SMTN: variants seen among roughly 807,000 people sequenced by gnomAD.
The protein encoded by SMTN is smoothelin.
A neutral mutation model predicts 102.0 loss-of-function variants in SMTN; 58 were observed. The ratio of observed to expected loss-of-function variants is 0.57; its 90% CI spans 0.46 to 0.71. The LOEUF (loss-of-function observed/expected upper bound fraction) is 0.71, where lower values mean the gene tolerates loss of function less well. Among genes scored for constraint, SMTN ranks in the 30% least tolerant of loss-of-function variants. SMTN has a pLI of 0.00. For missense variants in SMTN, 1,185 were observed against 1,241.7 expected, an observed-to-expected ratio of 0.95 and a Z score of 0.69; for synonymous variants, 478 against 497.9, an observed-to-expected ratio of 0.96 and a Z score of 0.53.
intron 19 of SMTN, 129 bp from the exon 20 acceptor site, chr22:31,100,756 G>C (rs891834914): frequency 3.3e-6 from 2 of 614,724 alleles, no homozygotes; most frequent in African/African-American, 3.7e-5. Context: ...CTCTGTGTGT[G>C]TGTGTGTATG....
intron 2 of SMTN, chr22:31,085,082 A>ATGGGGACGCC (rs1309312116): frequency 2.0e-6 from 3 of 1,534,138 alleles, no homozygotes; most frequent in Non-Finnish European, 2.6e-6. Flanking sequence ...GATGGGAGGA[A>ATGGGGACGCC]TGGGGACGCC....
upstream of SMTN, among the ~76,000 whole-genome samples, chr22:31,079,918 T>A (rs2042228387): frequency 6.6e-6 from 1 of 152,158 alleles, no homozygotes; most frequent in South Asian, 2.1e-4. Context: ...GCATGCCACT[T>A]GCCCGACTAA....
chr22:31,085,940 C>T (rs998356761), intron 2 of SMTN, among the ~76,000 whole-genome samples: 1 of 152,220 alleles, frequency 6.6e-6, no homozygotes, highest in East Asian at 1.9e-4. Flanking sequence ...GACAAGGACC[C>T]CATCTCCGAG....
intron 20 of SMTN, chr22:31,103,021 A>T (rs894299158): frequency 3.9e-5 from 6 of 152,316 alleles, no homozygotes; most frequent in Non-Finnish European, 8.8e-5. Context: ...AAAGAGGGGG[A>T]AACAGTCATA....
intron 1 of SMTN, among the ~76,000 whole-genome samples, chr22:31,070,547 C>T (rs968543305): frequency 1.3e-5 from 2 of 152,222 alleles, no homozygotes; most frequent in African/African-American, 4.8e-5. Flanking sequence ...AATTTCTTAT[C>T]TTCCAGACTT....
intron 2 of SMTN, chr22:31,085,083 TG>T: frequency 1.3e-6 from 2 of 1,534,134 alleles, no homozygotes; most frequent in Non-Finnish European, 1.7e-6. Flanking sequence ...ATGGGAGGAA[TG>T]GGGACGCCTG....
At chr22:31,072,565 C>A (rs1379989808) in intron 1 of SMTN, among the ~76,000 whole-genome samples, 2 of 152,046 alleles carry the variant, frequency 1.3e-5, no homozygotes, top group Non-Finnish European at 2.9e-5. Flanking sequence ...GGGTTCAAAC[C>A]ATTTTCCTGC....
Position 31,095,277 on chromosome 22 carries a change from G to T in SMTN, c.1633-26G>T. On this transcript the variant is annotated intron_variant, in intron 11 of 20. Transcript: ENST00000333137. The surrounding 1 kb of genome is among the most constrained non-coding windows in gnomAD (Gnocchi z 4.1). ...AGTTTCACCCATACCCCTGCTTAAA[G>T]TCCATGCCCTCTCCCCACCCTGCAG... 6.2e-7 allele frequency: 1 copy of T among 1,611,764 alleles called. No individual in the cohort carries two copies. Among genetic ancestry groups the T allele is most frequent in the South Asian group, 1.1e-5 (1 of 90,978 alleles).
chr22:31,100,845 C>T lies in SMTN; in HGVS notation c.2604-40C>T, dbSNP rs773636978. On this transcript the variant is annotated intron_variant, in intron 19 of 20. Coordinates refer to ENST00000333137, the MANE Select transcript of SMTN (RefSeq NM_134269.3). The stretch of plus-strand genomic sequence containing the variant: ...CCCACCCGGGGCCCTGGCCTCCTGC[C>T]CCCGTCCCCCACCCCTTCCCGGCCC... 13 of 828,574 alleles carry T rather than the reference C, an allele frequency of 1.6e-5. 1 individual carries two copies. The African/African-American group carries it at 1.7e-4, about 11-fold the overall frequency. The allele number at this position is 828,574 out of a possible 1,614,324, so 51.3% of individuals were successfully genotyped here.
intron 1 of SMTN, chr22:31,068,402 G>A (rs527311358): frequency 1.2e-4 from 18 of 152,118 alleles, no homozygotes; most frequent in African/African-American, 3.6e-4. Flanking sequence ...ATGTTACCCC[G>A]GGGATTCCTC....
rs10304 is a variant in SMTN at position 31,104,550 on chromosome 22, G to A, written c.*255G>A. 0.13 allele frequency: 187,142 copies of A among 1,417,390 alleles called. 16,909 individuals are homozygous for A. The highest frequency in any genetic ancestry group is 0.43 in the East Asian group (18,767 of 43,526). The allele number at this position is 1,417,390 out of a possible 1,614,324, so 87.8% of individuals were successfully genotyped here. A position where few individuals can be genotyped will look rare whatever the true frequency, so the allele number is the denominator to read the frequency against. ...TCTCCTGCCTGTGCGTCCGCCCACC[G>A]CTGCCCTGTCTGTTGCGACACCCTC... On this transcript the variant is annotated 3_prime_UTR_variant, in exon 21 of 21. Coordinates refer to ENST00000333137, the MANE Select transcript of SMTN (RefSeq NM_134269.3).
At chr22:31,083,117 A>T in intron 1 of SMTN, 62 bp from the exon 2 acceptor site, 1 of 1,547,108 alleles carries the variant, frequency 6.5e-7, no homozygotes, top group Non-Finnish European at 8.7e-7. Flanking sequence ...TAAGGCACAG[A>T]GCCTAAGTGC....
intron 8 of SMTN, 33 bp downstream of exon 8, chr22:31,090,213 C>T (rs781104122): frequency 5.9e-6 from 9 of 1,534,274 alleles, no homozygotes; most frequent in African/African-American, 2.8e-5. Flanking sequence ...TCACAGGCAT[C>T]TTTCTTCCCC....
intron 3 of SMTN, 83 bp downstream of exon 3, chr22:31,088,196 A>G: frequency 7.0e-7 from 1 of 1,436,610 alleles, no homozygotes; most frequent in South Asian, 1.4e-5. Context: ...AGGCGTGAGC[A>G]CAAGTGTATC....
intron 3 of SMTN, 157 bp downstream of exon 3, chr22:31,088,270 TG>T: frequency 1.0e-6 from 1 of 965,218 alleles, no homozygotes. Context: ...GAGATGTTTG[TG>T]GGCATGGAGC....
Position 31,099,798 on chromosome 22 carries a change from T to C in SMTN, c.2505T>C (p.Cys835=). ...SSSWSDGMAF[C]ALVHNFFPEA... Reference sequence around the variant, plus strand: ...GCTGGAGTGATGGGATGGCCTTCTGTGCCCTGGTGCACAACTTCTTCCCTG... The same window carrying C: ...GCTGGAGTGATGGGATGGCCTTCTGCGCCCTGGTGCACAACTTCTTCCCTG... The change falls in exon 19 of 21, where the codon TGT becomes TGC. Residue 835 remains cysteine, a synonymous_variant. Transcript: ENST00000333137. 1 of 1,614,104 alleles carries C rather than the reference T, an allele frequency of 6.2e-7. No individual in the cohort carries two copies. Among genetic ancestry groups the C allele is most frequent in the Non-Finnish European group, 8.5e-7 (1 of 1,179,958 alleles).
intron 1 of SMTN, among the ~76,000 whole-genome samples, chr22:31,076,286 C>T (rs1195568342): frequency 1.3e-5 from 2 of 152,176 alleles, no homozygotes; most frequent in African/African-American, 4.8e-5. Flanking sequence ...GCCAGGCCTG[C>T]GTGGAAACTC....
chr22:31,089,156 A>G (rs2042928036), intron 6 of SMTN, among the ~76,000 whole-genome samples, 187 bp downstream of exon 6: 1 of 152,030 alleles, frequency 6.6e-6, no homozygotes, highest in African/African-American at 2.4e-5. Flanking sequence ...CCCTGCTTCA[A>G]CCCGTCCCAG....
chr22:31,083,434 G>C, intron 2 of SMTN, 125 bp downstream of exon 2: 1 of 1,205,764 alleles, frequency 8.3e-7, no homozygotes, highest in Non-Finnish European at 1.1e-6. Context: ...GGGGGACATG[G>C]GAACAGGGGT....
Sources: allele counts gnomAD v4.1 joint callset (sites outside exome capture counted in the v4.1 genomes callset), GRCh38; gene constraint gnomAD v4.1.1; non-coding constraint Gnocchi (gnomAD v3.1); transcripts MANE v1.5; gene names NCBI Gene and HGNC (gene_info 2026-07-23, HGNC 2026-07-21).